The following ZNF277 variants were observed in gnomAD, a reference collection of about 807,000 sequenced individuals.
ZNF277 encodes the protein zinc finger protein 277, also known as nuclear receptor-interacting factor 4.
ZNF277 carries 55 observed loss-of-function variants against 60.7 expected under a neutral mutation model. That is an observed-to-expected ratio of 0.91 (90% confidence interval 0.73 to 1.13). The LOEUF (loss-of-function observed/expected upper bound fraction) is 1.13, where lower values mean the gene tolerates loss of function less well. Ranked by LOEUF, ZNF277 falls within the 50% of genes most tolerant of loss-of-function variation. The pLI, the probability that ZNF277 is intolerant of heterozygous loss-of-function variation, is 0.00. For synonymous variants in ZNF277, 178 were observed against 179.3 expected, an observed-to-expected ratio of 0.99 and a Z score of 0.06; for missense variants, 510 against 523.0, an observed-to-expected ratio of 0.98 and a Z score of 0.24.
chr7:112,308,383 G>A (rs1260801236), intron 4 of ZNF277, among the ~76,000 whole-genome samples: 2 of 151,988 alleles, frequency 1.3e-5, no homozygotes, highest in Non-Finnish European at 2.9e-5. Flanking sequence ...CAGGCGTCAT[G>A]GCACATGCCT....
intron 1 of ZNF277, among the ~76,000 whole-genome samples, chr7:112,235,286 T>C (rs1331590898): frequency 6.6e-6 from 1 of 152,126 alleles, no homozygotes; most frequent in Admixed American, 6.5e-5. Flanking sequence ...GATATATACC[T>C]AGGAGTAGAA....
At position 112,300,528 on chromosome 7, in the gene ZNF277, A is replaced by T. The variant is rs529194606; in HGVS notation, c.465+4217A>T. Among the ~76,000 whole-genome samples, 9 of 152,286 alleles carry T rather than the reference A, an allele frequency of 5.9e-5. No homozygotes were observed. In the East Asian group the frequency reaches 1.5e-3, roughly 26 times the overall value. ...CAAGATCTTATCACCTGTTCAGGGCATGCACATCTGTATAACTACCACTAT... is the reference window on the plus strand; with the variant it reads ...CAAGATCTTATCACCTGTTCAGGGCTTGCACATCTGTATAACTACCACTAT... On this transcript the variant is annotated intron_variant, in intron 4 of 11. Transcript: ENST00000361822.
intron 1 of ZNF277, among the ~76,000 whole-genome samples, chr7:112,232,770 T>C (rs1242990884): frequency 6.6e-6 from 1 of 152,222 alleles, no homozygotes; most frequent in Non-Finnish European, 1.5e-5. Context: ...TGCTGAAGTT[T>C]TATCTATGGT....
At chr7:112,301,294 C>T (rs1289134989) in intron 4 of ZNF277, among the ~76,000 whole-genome samples, 2 of 152,036 alleles carry the variant, frequency 1.3e-5, no homozygotes, top group Admixed American at 6.6e-5. Context: ...CAAGCCATTG[C>T]GCCTGGCCCT....
chr7:112,221,811 G>C (rs911874006), intron 1 of ZNF277, among the ~76,000 whole-genome samples: 1 of 152,194 alleles, frequency 6.6e-6, no homozygotes, highest in Admixed American at 6.5e-5. Flanking sequence ...GTGTGGCCCA[G>C]TTCCTAACAG....
intron 1 of ZNF277, among the ~76,000 whole-genome samples, chr7:112,269,469 T>C (rs983792975): frequency 2.0e-5 from 3 of 152,078 alleles, no homozygotes; most frequent in Admixed American, 6.6e-5. Flanking sequence ...TTATTATTGT[T>C]TTGCAGGAAA....
At chr7:112,259,914 T>C (rs1389541338) in intron 1 of ZNF277, among the ~76,000 whole-genome samples, 2 of 152,156 alleles carry the variant, frequency 1.3e-5, no homozygotes, top group African/African-American at 4.8e-5. Context: ...AGAGAAAAAC[T>C]GTTATAAGAT....
intron 9 of ZNF277, among the ~76,000 whole-genome samples, chr7:112,339,033 G>A (rs1793389563): frequency 6.6e-6 from 1 of 152,172 alleles, no homozygotes; most frequent in Admixed American, 6.5e-5. Context: ...AAAATCAAAA[G>A]AAAGCGTGAT....
chr7:112,317,633 A>C (rs1239345484), intron 4 of ZNF277, among the ~76,000 whole-genome samples: 1 of 152,162 alleles, frequency 6.6e-6, no homozygotes, highest in Non-Finnish European at 1.5e-5. Flanking sequence ...ATGCATGAAA[A>C]TATTAAGAAA....
chr7:112,321,351 C>T (rs1035376391), intron 5 of ZNF277, among the ~76,000 whole-genome samples: 3 of 152,040 alleles, frequency 2.0e-5, no homozygotes, highest in Non-Finnish European at 2.9e-5. Context: ...TATGCAAAAA[C>T]TTTGCTCCAA....
rs144112205 is a variant in ZNF277, at chr7:112,230,033, G to A, written c.91+23226G>A. Among the ~76,000 whole-genome samples, 104 of 140,132 alleles carry A rather than the reference G, an allele frequency of 7.4e-4. 3 individuals carry two copies. In the Middle Eastern group the frequency reaches 0.014, roughly 19 times the overall value. 91.9% of individuals were successfully genotyped at this position (140,132 alleles called of 152,430 possible). On this transcript the variant is annotated intron_variant, in intron 1 of 11. Coordinates refer to ENST00000361822, the MANE Select transcript of ZNF277 (RefSeq NM_021994.3). The stretch of plus-strand genomic sequence containing the variant: ...AGGGAGCAAGGACTGCATTATAAAG[G>A]ACCTTGTGGGCCATGCGAAAGAACT...
rs974515196 is a variant in ZNF277, at chr7:112,264,554, T to C, written c.92-22319T>C. Among the ~76,000 whole-genome samples, 8 of 152,132 alleles carry C rather than the reference T, an allele frequency of 5.3e-5. 1 individual carries two copies. Among genetic ancestry groups the C allele is most frequent in the Non-Finnish European group, 8.8e-5 (6 of 68,024 alleles). On this transcript the variant is annotated intron_variant, in intron 1 of 11. Coordinates refer to ENST00000361822, the MANE Select transcript of ZNF277 (RefSeq NM_021994.3). Reference sequence around the variant, plus strand: ...ACTGTGGTTCTTGCAAGTAATTTTATAGAAGGATATTCCATGGTGTGGAAA... The same window carrying C: ...ACTGTGGTTCTTGCAAGTAATTTTACAGAAGGATATTCCATGGTGTGGAAA...
At chr7:112,328,011 T>A (rs1185125563) in intron 6 of ZNF277, among the ~76,000 whole-genome samples, 184 bp downstream of exon 6, 1 of 152,218 alleles carries the variant, frequency 6.6e-6, no homozygotes, top group Non-Finnish European at 1.5e-5. Flanking sequence ...GTTTTTTAAA[T>A]TTTTCAAATA....
chr7:112,280,947 G>C (rs1791929823), intron 1 of ZNF277, among the ~76,000 whole-genome samples: 1 of 152,110 alleles, frequency 6.6e-6, no homozygotes, highest in Admixed American at 6.6e-5. Context: ...TTTTACCATG[G>C]AGTAAGATAT....
intron 5 of ZNF277, among the ~76,000 whole-genome samples, chr7:112,324,658 G>A (rs974325586): frequency 2.0e-5 from 3 of 152,102 alleles, no homozygotes; most frequent in Non-Finnish European, 4.4e-5. Context: ...AGACTAATAG[G>A]CTGAATCAAG....
intron 1 of ZNF277, among the ~76,000 whole-genome samples, chr7:112,210,689 C>T (rs1004539505): frequency 3.3e-5 from 5 of 151,962 alleles, no homozygotes; most frequent in Admixed American, 3.3e-4. Flanking sequence ...CCAGGCTGGT[C>T]TCAAACTCCT....
At chr7:112,252,938 T>C (rs1388170829) in intron 1 of ZNF277, among the ~76,000 whole-genome samples, 1 of 152,256 alleles carries the variant, frequency 6.6e-6, no homozygotes, top group East Asian at 1.9e-4. Flanking sequence ...GATAGAACGA[T>C]GAATAAACCA....
At chr7:112,253,349 CTAATA>C (rs1791238554) in intron 1 of ZNF277, among the ~76,000 whole-genome samples, 1 of 152,104 alleles carries the variant, frequency 6.6e-6, no homozygotes, top group Non-Finnish European at 1.5e-5. Context: ...GTCTAAAATT[CTAATA>C]TAAGTATCGT....
chr7:112,216,882 A>T (rs1369784649), intron 1 of ZNF277, among the ~76,000 whole-genome samples: 1 of 152,210 alleles, frequency 6.6e-6, no homozygotes, highest in Non-Finnish European at 1.5e-5. Flanking sequence ...GAACCACTGC[A>T]GTAGATGTCT....
Sources: allele counts gnomAD v4.1 joint callset (sites outside exome capture counted in the v4.1 genomes callset), GRCh38; gene constraint gnomAD v4.1.1; transcripts MANE v1.5; gene names NCBI Gene and HGNC (gene_info 2026-07-23, HGNC 2026-07-21).